THRAP3: variants seen among roughly 807,000 people sequenced by gnomAD.
The protein encoded by THRAP3 is thyroid hormone receptor-associated protein 3.
In THRAP3, 16 loss-of-function variants were observed where a neutral mutation model predicts 101.0. The ratio of observed to expected loss-of-function variants is 0.16; its 90% CI spans 0.11 to 0.24. THRAP3 has a LOEUF of 0.24. Ranked by LOEUF, THRAP3 falls within the 10% of genes least tolerant of loss-of-function variation. THRAP3 has a pLI of 1.00. For missense variants in THRAP3, 989 were observed against 1,202.7 expected, an observed-to-expected ratio of 0.82 and a Z score of 2.63; for synonymous variants, 407 against 422.6, an observed-to-expected ratio of 0.96 and a Z score of 0.45.
intron 1 of THRAP3, among the ~76,000 whole-genome samples, chr1:36,255,865 C>A (rs1487083478): frequency 6.6e-6 from 1 of 151,676 alleles, no homozygotes; most frequent in Non-Finnish European, 1.5e-5. Context: ...ATAGGAGATA[C>A]AAATGGTATG....
chr1:36,296,135 G>A (rs1028270614), intron 8 of THRAP3, among the ~76,000 whole-genome samples: 2 of 151,650 alleles, frequency 1.3e-5, no homozygotes, highest in East Asian at 1.9e-4. Context: ...CACCTTGCTC[G>A]GCTGATTTTT....
intron 1 of THRAP3, among the ~76,000 whole-genome samples, chr1:36,233,121 G>A (rs1231655257): frequency 1.3e-5 from 2 of 151,452 alleles, no homozygotes; most frequent in Non-Finnish European, 2.9e-5. Context: ...TGCCCCCTCG[G>A]CCTCCCAAAG....
the THRAP3 span, among the ~76,000 whole-genome samples, chr1:36,213,992 AG>A: frequency 1.0e-5 from 1 of 97,704 alleles, no homozygotes; most frequent in Non-Finnish European, 2.0e-5. Flanking sequence ...AAAGAAAGAA[AG>A]AAAGGAAAGA....
Position 36,291,428 on chromosome 1 carries a change from C to T in THRAP3, c.1800C>T (p.Ser600=). 6.2e-7 allele frequency: 1 copy of T among 1,614,188 alleles called. No individual in the cohort carries two copies. The highest frequency in any genetic ancestry group is 8.5e-7 in the Non-Finnish European group (1 of 1,180,040). Residue 600 remains serine (S), a synonymous_variant, in exon 6 of 12, where the codon AGC becomes AGT. Coordinates refer to ENST00000354618, the MANE Select transcript of THRAP3 (RefSeq NM_005119.4). The part of the protein sequence containing the change: ...ERKLCRDLVH[S]NKKEQEFRSI... ...AGCTTTGCCGAGATCTAGTCCATAG[C>T]AACAAAAAGGAACAGGAGTTTCGTT...
At chr1:36,258,215 C>T (rs1357274206) in intron 1 of THRAP3, among the ~76,000 whole-genome samples, 1 of 152,214 alleles carries the variant, frequency 6.6e-6, no homozygotes, top group East Asian at 1.9e-4. Flanking sequence ...CATGGGATTT[C>T]CCTCACTAGC....
chr1:36,291,357 C>T lies in THRAP3; in HGVS notation c.1746-17C>T. ...TGTATTGTGTTCTAATTGGGCCTCC[C>T]CATATTTCTTTTTCAGACCCAGTGG... On this transcript the variant is annotated splice_polypyrimidine_tract_variant and intron_variant, in intron 5 of 11. Transcript: ENST00000354618. 1 of 1,611,230 alleles carries T rather than the reference C, an allele frequency of 6.2e-7. No homozygotes were observed. Among genetic ancestry groups the T allele is most frequent in the Non-Finnish European group, 8.5e-7 (1 of 1,178,932 alleles).
intron 1 of THRAP3, among the ~76,000 whole-genome samples, chr1:36,251,854 C>T (rs1045373540): frequency 6.6e-6 from 1 of 152,152 alleles, no homozygotes; most frequent in Non-Finnish European, 1.5e-5. Flanking sequence ...TAAGGGACCA[C>T]AGATAGTGAG....
chr1:36,249,756 G>A (rs1356021514), intron 1 of THRAP3, among the ~76,000 whole-genome samples: 1 of 150,930 alleles, frequency 6.6e-6, no homozygotes, highest in Non-Finnish European at 1.5e-5. Context: ...TTTGGTGAGA[G>A]GAGGCTATTC....
chr1:36,254,165 G>A (rs1043729242), intron 1 of THRAP3, among the ~76,000 whole-genome samples: 1 of 152,112 alleles, frequency 6.6e-6, no homozygotes, highest in African/African-American at 2.4e-5. Context: ...CGGAGACCAC[G>A]TCTCAAGAAA....
intron 4 of THRAP3, chr1:36,288,747 ATTACAGG>A (rs1293953550): frequency 1.0e-6 from 1 of 985,342 alleles, no homozygotes; most frequent in Non-Finnish European, 1.2e-6. Context: ...CCTAGATCAC[ATTACAGG>A]TAAGTAGGTT....
intron 1 of THRAP3, among the ~76,000 whole-genome samples, chr1:36,250,544 A>T (rs1408838569): frequency 6.6e-6 from 1 of 152,094 alleles, no homozygotes; most frequent in Non-Finnish European, 1.5e-5. Flanking sequence ...CTAGTAGAGT[A>T]CAATTTAGCC....
chr1:36,213,739 C>G, the THRAP3 span, among the ~76,000 whole-genome samples: 1 of 151,344 alleles, frequency 6.6e-6, no homozygotes, highest in Non-Finnish European at 1.5e-5. Flanking sequence ...CCCAGCTGCT[C>G]AGGAGGCTGA....
intron 2 of THRAP3, among the ~76,000 whole-genome samples, chr1:36,265,785 C>T (rs997848737): frequency 6.6e-6 from 1 of 152,086 alleles, no homozygotes; most frequent in Admixed American, 6.6e-5. Flanking sequence ...TTTTAAGCCC[C>T]GCATGCATTA....
chr1:36,273,823 T>G (rs1158888561), intron 2 of THRAP3, among the ~76,000 whole-genome samples: 1 of 152,000 alleles, frequency 6.6e-6, no homozygotes, highest in Non-Finnish European at 1.5e-5. Flanking sequence ...GGCAGATCAT[T>G]TGAGGTCAGG....
At chr1:36,218,770 C>G in the THRAP3 span, among the ~76,000 whole-genome samples, 1 of 150,938 alleles carries the variant, frequency 6.6e-6, no homozygotes, top group Admixed American at 6.6e-5. Context: ...CGTGGTGGCT[C>G]ACGTCTGTAA....
At chr1:36,219,700 G>C (rs1225742681), upstream of THRAP3, among the ~76,000 whole-genome samples, 1 of 152,066 alleles carries the variant, frequency 6.6e-6, no homozygotes, top group African/African-American at 2.4e-5. Context: ...AAAGTGCTGG[G>C]ATTACAGGCG....
chr1:36,292,796 G>A, intron 7 of THRAP3, 87 bp downstream of exon 7: 1 of 986,584 alleles, frequency 1.0e-6, no homozygotes, highest in Non-Finnish European at 1.5e-6. Flanking sequence ...TGCTGCTAAT[G>A]CACCTTTAAT....
chr1:36,220,844 A>C (rs1644899009), upstream of THRAP3, among the ~76,000 whole-genome samples: 1 of 150,832 alleles, frequency 6.6e-6, no homozygotes, highest in Non-Finnish European at 1.5e-5. Context: ...AATCTCAGCT[A>C]CTCGGGAGAC....
In THRAP3 at chr1:36,282,609, T is replaced by C. The variant is rs1455037176; in HGVS notation, c.46T>C (p.Ser16Pro). The change falls in exon 3 of 12, where the codon TCA (serine) becomes CCA (proline). Residue 16 changes from serine (S) to proline (P), a missense_variant. Ser to Pro is a moderately conservative substitution (Grantham distance 74, BLOSUM62 -1). Transcript: ENST00000354618. ...KSKSGSRSSR[S>P]RSASRSRSRS... ...CAAGTCTGGATCTCGCTCTTCTCGCTCAAGATCTGCATCAAGATCTCGTTC... is the reference window on the plus strand; with the variant it reads ...CAAGTCTGGATCTCGCTCTTCTCGCCCAAGATCTGCATCAAGATCTCGTTC... 1 of 1,614,136 alleles carries C rather than the reference T, an allele frequency of 6.2e-7. No individual in the cohort carries two copies.
Sources: allele counts gnomAD v4.1 joint callset (sites outside exome capture counted in the v4.1 genomes callset), GRCh38; gene constraint gnomAD v4.1.1; transcripts MANE v1.5; gene names NCBI Gene and HGNC (gene_info 2026-07-23, HGNC 2026-07-21).